Variants in RARB observed in about 807,000 individuals in gnomAD.
RARB encodes retinoic acid receptor beta.
In RARB, 17 loss-of-function variants were observed where a neutral mutation model predicts 51.9. That is an observed-to-expected ratio of 0.33 (90% CI 0.22 to 0.49). RARB has a LOEUF of 0.49. RARB is among the 20% of genes least tolerant of loss of function. The pLI, the probability that RARB is intolerant of heterozygous loss-of-function variation, is 0.99. For missense variants in RARB, 369 were observed against 550.8 expected, an observed-to-expected ratio of 0.67 and a Z score of 3.30; for synonymous variants, 215 against 195.4, an observed-to-expected ratio of 1.10 and a Z score of -0.84.
intron 5 of RARB, among the ~76,000 whole-genome samples, chr3:25,341,693 A>G (rs1397467179): frequency 6.6e-6 from 1 of 152,120 alleles, no homozygotes; most frequent in Non-Finnish European, 1.5e-5. Flanking sequence ...GGTTGTCACA[A>G]CTGGAAGGGG....
intron 2 of RARB, among the ~76,000 whole-genome samples, chr3:25,500,109 A>G (rs1697220537): frequency 6.6e-6 from 1 of 152,206 alleles, no homozygotes. Context: ...AATATTTTGT[A>G]TATGTGGTGT....
At chr3:25,020,221 A>G (rs934618672) in intron 2 of RARB, 1 of 151,752 alleles carries the variant, frequency 6.6e-6, no homozygotes, top group Non-Finnish European at 1.5e-5. Flanking sequence ...TTTCACAGGC[A>G]TGATCCCACT....
At chr3:25,255,821 A>G (rs1052135614) in intron 5 of RARB, among the ~76,000 whole-genome samples, 2 of 152,140 alleles carry the variant, frequency 1.3e-5, no homozygotes, top group Non-Finnish European at 2.9e-5. Flanking sequence ...GATCATTTTT[A>G]TACCCTTGAG....
intron 5 of RARB, among the ~76,000 whole-genome samples, chr3:25,348,014 G>C (rs374995492): frequency 1.3e-5 from 2 of 152,132 alleles, no homozygotes; most frequent in Non-Finnish European, 2.9e-5. Flanking sequence ...CATTGCAAAC[G>C]TACTGATTAA....
intron 5 of RARB, among the ~76,000 whole-genome samples, chr3:25,342,875 T>C (rs113909176): frequency 2.6e-4 from 39 of 152,140 alleles, no homozygotes; most frequent in Non-Finnish European, 4.3e-4. Flanking sequence ...GTAGAGGTTG[T>C]AGCCTTGAAA....
At chr3:24,963,179 C>T (rs1696178566) in intron 2 of RARB, among the ~76,000 whole-genome samples, 1 of 151,952 alleles carries the variant, frequency 6.6e-6, no homozygotes, top group African/African-American at 2.4e-5. Context: ...TTTTTAAAAG[C>T]TAGTTACATA....
chr3:25,167,591 TGTTGTAAGTAAGCA>T (rs1167074105), intron 4 of RARB, among the ~76,000 whole-genome samples: 3 of 152,178 alleles, frequency 2.0e-5, no homozygotes, highest in Non-Finnish European at 4.4e-5. Flanking sequence ...AATTGGTTGT[TGTTGTAAGTAAGCA>T]GAAGATAAAT....
chr3:24,998,519 ATTCCTTTTTGCG>A (rs986945658), intron 2 of RARB, among the ~76,000 whole-genome samples: 11 of 151,804 alleles, frequency 7.2e-5, no homozygotes, highest in Non-Finnish European at 1.2e-4. Context: ...TTTTTGCAGT[ATTCCTTTTTGCG>A]TTCAGAACAG....
At chr3:25,453,715 G>T (rs1709299264) in intron 1 of RARB, among the ~76,000 whole-genome samples, 1 of 152,136 alleles carries the variant, frequency 6.6e-6, no homozygotes, top group Admixed American at 6.5e-5. Context: ...GAATAGCAGA[G>T]TTTCTCACAA....
chr3:25,196,597 G>A (rs538035058), intron 5 of RARB, among the ~76,000 whole-genome samples: 40 of 151,984 alleles, frequency 2.6e-4, no homozygotes, highest in African/African-American at 8.2e-4. Context: ...GTAATAGGAC[G>A]GCTGGGTCAA....
At chr3:24,997,951 A>G (rs973478319) in intron 2 of RARB, among the ~76,000 whole-genome samples, 1 of 152,128 alleles carries the variant, frequency 6.6e-6, no homozygotes, top group Admixed American at 6.6e-5. Context: ...CTTTACAATA[A>G]AGTATTTCTT....
chr3:25,539,597 T>TTC (rs1699289979), intron 3 of RARB, among the ~76,000 whole-genome samples: 1 of 143,028 alleles, frequency 7.0e-6, no homozygotes, highest in African/African-American at 2.6e-5. Context: ...TTTTTTCTCT[T>TTC]GTTTTGTATT....
rs569367001 is a variant in RARB, at chr3:24,985,879, C to T, written c.-379-74246C>T. ...CGCATGTCAGTATCCTGCTGCAGTC[C>T]CAGTCCCAGACGAACAGAAAGGACA... On this transcript the variant is annotated intron_variant, in intron 2 of 11. Coordinates refer to the RARB transcript ENST00000383772. Among the ~76,000 whole-genome samples the T allele has an allele frequency of 3.3e-5, 5 of 152,256 alleles. No individual in the cohort carries two copies. The South Asian group carries it at 1.0e-3, about 31-fold the overall frequency.
intron 2 of RARB, among the ~76,000 whole-genome samples, chr3:24,893,111 C>G (rs1046756614): frequency 6.6e-6 from 1 of 152,178 alleles, no homozygotes; most frequent in Admixed American, 6.5e-5. Flanking sequence ...TTTAAATGAA[C>G]TCTAGTAATG....
intron 3 of RARB, among the ~76,000 whole-genome samples, chr3:25,067,132 C>G (rs1698679167): frequency 6.6e-6 from 1 of 152,208 alleles, no homozygotes; most frequent in Middle Eastern, 3.4e-3. Flanking sequence ...TATGGCTGAT[C>G]ACGGGTGAGC....
At chr3:25,404,380 A>C (rs1020693670) in intron 5 of RARB, among the ~76,000 whole-genome samples, 4 of 152,216 alleles carry the variant, frequency 2.6e-5, no homozygotes, top group African/African-American at 7.2e-5. Flanking sequence ...TGACTTGCTA[A>C]TGCTTATTTG....
At chr3:25,275,467 C>A (rs1312157254) in intron 5 of RARB, among the ~76,000 whole-genome samples, 1 of 152,118 alleles carries the variant, frequency 6.6e-6, no homozygotes, top group African/African-American at 2.4e-5. Context: ...TCTCAAAAAA[C>A]AAAACAAACT....
At chr3:25,389,436 C>G (rs1706885822) in intron 5 of RARB, among the ~76,000 whole-genome samples, 1 of 152,120 alleles carries the variant, frequency 6.6e-6, no homozygotes, top group South Asian at 2.1e-4. Flanking sequence ...GAGGAAGTAA[C>G]TAAATGTCTC....
rs538912780 is a variant in RARB at position 25,152,943 on chromosome 3, A to G, written c.-280+20735A>G. 3.3e-5 allele frequency among the ~76,000 whole-genome samples: 5 copies of G among 152,286 alleles called. No individual in the cohort carries two copies. The East Asian group carries it at 9.7e-4, about 29-fold the overall frequency. On this transcript the variant is annotated intron_variant, in intron 4 of 11. Coordinates refer to the RARB transcript ENST00000383772. The stretch of plus-strand genomic sequence containing the variant: ...AGGTGGACTGCAGTGTTTGATACAA[A>G]CTTCTTCTACACATTATTTCAAGTA...
Sources: allele counts gnomAD v4.1 joint callset (sites outside exome capture counted in the v4.1 genomes callset), GRCh38; gene constraint gnomAD v4.1.1; transcripts MANE v1.5; gene names NCBI Gene and HGNC (gene_info 2026-07-23, HGNC 2026-07-21).